SEMA5A: variants seen among roughly 807,000 people sequenced by gnomAD.
SEMA5A encodes the protein semaphorin 5A.
In SEMA5A, 55 loss-of-function variants were observed where a neutral mutation model predicts 135.5. That is an observed-to-expected ratio of 0.41 (90% CI 0.33 to 0.51). SEMA5A has a LOEUF of 0.51. Ranked by LOEUF, SEMA5A falls within the 20% of genes least tolerant of loss-of-function variation. The pLI is 0.37. For missense variants in SEMA5A, 1,290 were observed against 1,419.9 expected (o/e 0.91, Z 1.47); for synonymous variants, 580 against 546.5 (o/e 1.06, Z -0.85).
intron 3 of SEMA5A, among the ~76,000 whole-genome samples, chr5:9,365,886 C>T (rs1490479766): frequency 1.3e-5 from 2 of 152,210 alleles, no homozygotes; most frequent in Admixed American, 6.5e-5. Context: ...AGGGCAAGAG[C>T]CAACCCCGTG....
intron 2 of SEMA5A, among the ~76,000 whole-genome samples, chr5:9,430,865 G>A (rs1450976771): frequency 6.6e-6 from 1 of 151,072 alleles, no homozygotes; most frequent in African/African-American, 2.4e-5. Flanking sequence ...TTTTAGCAAA[G>A]AGGAGATAAA....
At chr5:9,070,767 C>G (rs1579337914) in intron 16 of SEMA5A, among the ~76,000 whole-genome samples, 1 of 152,166 alleles carries the variant, frequency 6.6e-6, no homozygotes, top group East Asian at 1.9e-4. Context: ...ACATGAGACT[C>G]AGAATTTCTC....
At chr5:9,084,644 A>T (rs959952890) in intron 16 of SEMA5A, among the ~76,000 whole-genome samples, 1 of 152,188 alleles carries the variant, frequency 6.6e-6, no homozygotes, top group Non-Finnish European at 1.5e-5. Context: ...TGGAATTGTA[A>T]GTCCAATAAA....
chr5:9,311,128 C>G (rs1169146875), intron 5 of SEMA5A, among the ~76,000 whole-genome samples: 1 of 117,544 alleles, frequency 8.5e-6, no homozygotes, highest in Non-Finnish European at 2.0e-5. Flanking sequence ...CATTCAGAGT[C>G]AGGTAAATTT....
intron 15 of SEMA5A, among the ~76,000 whole-genome samples, chr5:9,112,841 T>C (rs1289388371): frequency 6.6e-6 from 1 of 152,218 alleles, no homozygotes; most frequent in African/African-American, 2.4e-5. Context: ...CTTCTGTCAT[T>C]ATGTTACATA....
At chr5:9,139,948 C>T (rs916425030) in intron 12 of SEMA5A, among the ~76,000 whole-genome samples, 2 of 149,018 alleles carry the variant, frequency 1.3e-5, no homozygotes, top group African/African-American at 4.8e-5. Context: ...TATTTTTCTC[C>T]TCCTCATAAA....
At chr5:9,193,714 A>G (rs1318662905) in intron 10 of SEMA5A, among the ~76,000 whole-genome samples, 2 of 152,172 alleles carry the variant, frequency 1.3e-5, no homozygotes, top group African/African-American at 4.8e-5. Context: ...CCTGGTCAAG[A>G]TGGTGAAACC....
intron 11 of SEMA5A, among the ~76,000 whole-genome samples, chr5:9,159,081 C>A (rs1743110121): frequency 6.6e-6 from 1 of 152,168 alleles, no homozygotes; most frequent in Admixed American, 6.5e-5. Context: ...AGCCCTATTA[C>A]ATCACATCTC....
intron 4 of SEMA5A, among the ~76,000 whole-genome samples, chr5:9,336,059 C>A (rs1438584272): frequency 1.4e-4 from 21 of 151,808 alleles, no homozygotes; most frequent in Non-Finnish European, 4.4e-5. Flanking sequence ...TGTGGTGGTT[C>A]AGGACTGCTG....
At chr5:9,409,713 G>A (rs1422357282) in intron 2 of SEMA5A, among the ~76,000 whole-genome samples, 1 of 152,224 alleles carries the variant, frequency 6.6e-6, no homozygotes, top group East Asian at 1.9e-4. Flanking sequence ...TGTTGAGAAT[G>A]ATTAAATGAA....
At chr5:9,436,955 T>G (rs1357530063) in intron 2 of SEMA5A, among the ~76,000 whole-genome samples, 4 of 36,484 alleles carry the variant, frequency 1.1e-4, no homozygotes, top group African/African-American at 2.3e-4. Flanking sequence ...CATTGTGAAG[T>G]GGGGGGTCAG....
chr5:9,051,787 C>A, intron 20 of SEMA5A, 86 bp downstream of exon 20: 4 of 1,542,962 alleles, frequency 2.6e-6, no homozygotes, highest in South Asian at 2.3e-5. Flanking sequence ...ACCAAATAAG[C>A]CAAATAAAAC....
chr5:9,080,182 A>G (rs1035930083), intron 16 of SEMA5A, among the ~76,000 whole-genome samples: 1 of 152,236 alleles, frequency 6.6e-6, no homozygotes, highest in South Asian at 2.1e-4. Flanking sequence ...GATTTAAAAA[A>G]TGTGGCACAT....
At chr5:9,473,318 A>G (rs1387355893) in intron 1 of SEMA5A, among the ~76,000 whole-genome samples, 1 of 144,416 alleles carries the variant, frequency 6.9e-6, no homozygotes, top group Admixed American at 7.2e-5. Context: ...ACTTGTAACA[A>G]TTTTACTGGT....
rs182779919 is a variant in SEMA5A, at chr5:9,052,492, T to C, written c.2690-464A>G. Among the ~76,000 whole-genome samples the C allele has an allele frequency of 1.2e-3, 178 of 152,292 alleles. 2 individuals carry two copies. Among genetic ancestry groups the C allele is most frequent in the South Asian group, 8.5e-3 (41 of 4,826 alleles). On this transcript the variant is annotated intron_variant, in intron 19 of 22. Transcript: ENST00000382496. ...CTCTGTGCTCAGGCGAGAGAAATAA[T>C]TGTGTGCTCATGAGAGTCCTGGGTT...
Position 9,221,511 on chromosome 5 carries a change from C to T in SEMA5A, c.646+3163G>A, listed in dbSNP as rs540816680. On this transcript the variant is annotated intron_variant, in intron 8 of 22. Coordinates refer to ENST00000382496, the MANE Select transcript of SEMA5A (RefSeq NM_003966.3). ...TAGAGACGGGGTTTCACAGTGTTAG[C>T]CAGGATGGTCTCGATCTCCTGACCT... 2.2e-4 allele frequency among the ~76,000 whole-genome samples: 33 copies of T among 151,810 alleles called. No individual in the cohort carries two copies. In the South Asian group the frequency reaches 3.5e-3, roughly 16 times the overall value.
intron 11 of SEMA5A, among the ~76,000 whole-genome samples, chr5:9,169,207 T>G (rs1743777675): frequency 6.6e-6 from 1 of 152,216 alleles, no homozygotes; most frequent in South Asian, 2.1e-4. Context: ...GGTAACTGTG[T>G]GACCTCCTGG....
At chr5:9,183,640 G>A (rs906605235) in intron 11 of SEMA5A, among the ~76,000 whole-genome samples, 2 of 152,176 alleles carry the variant, frequency 1.3e-5, no homozygotes, top group African/African-American at 2.4e-5. Context: ...ACCAATGAGC[G>A]GTCCTTCTCT....
intron 13 of SEMA5A, among the ~76,000 whole-genome samples, chr5:9,123,553 T>C (rs554082978): frequency 7.6e-4 from 115 of 152,176 alleles, no homozygotes; most frequent in Non-Finnish European, 1.5e-3. Context: ...CATCAAGTTA[T>C]GGACAAATTG....
Sources: gnomAD v4.1 joint callset for allele counts (sites outside exome capture counted in the v4.1 genomes callset) on GRCh38, gnomAD v4.1.1 for gene constraint, MANE v1.5 for transcripts, NCBI Gene and HGNC (gene_info 2026-07-23, HGNC 2026-07-21) for gene names.